The following CLUH variants were observed in gnomAD, a reference collection of about 807,000 sequenced individuals.
The protein encoded by CLUH is CLUH binding protein of NUMT mRNA.
A neutral mutation model predicts 139.3 loss-of-function variants in CLUH; 77 were observed. The ratio of observed to expected loss-of-function variants is 0.55; its 90% CI spans 0.46 to 0.67. The LOEUF is 0.67. Ranked by LOEUF, CLUH falls within the 30% of genes least tolerant of loss-of-function variation. CLUH has a pLI of 0.00. For synonymous variants in CLUH, 999 were observed against 801.6 expected, an observed-to-expected ratio of 1.25 and a Z score of -4.16; for missense variants, 1,876 against 1,875.8, an observed-to-expected ratio of 1.00 and a Z score of 0.00.
chr17:2,695,220 G>C lies in CLUH; in HGVS notation c.2605C>G (p.Gln869Glu), dbSNP rs1029911762. 1 of 1,613,944 alleles carries C rather than the reference G, an allele frequency of 6.2e-7. No individual in the cohort carries two copies. Among genetic ancestry groups the C allele is most frequent in the Non-Finnish European group, 8.5e-7 (1 of 1,179,872 alleles). Residue 869 changes from glutamine (Q) to glutamate (E), a missense_variant and splice_region_variant, in exon 15 of 26, where the codon CAG becomes GAG. Gln to Glu is a conservative substitution (Grantham distance 29, BLOSUM62 2). Coordinates refer to ENST00000651024, the MANE Select transcript of CLUH (RefSeq NM_001366661.1). Reference protein sequence around the residue: ...SAKHIFKTYLQGVELSGLSAA... With the variant: ...SAKHIFKTYLEGVELSGLSAA... ...GCCGCAGAGCGGACGGGTGGCACCT[G>C]TAAGTACGTCTTGAAGATGTGCTTG...
chr17:2,692,860 C>A lies in CLUH; in HGVS notation c.3232G>T (p.Ala1078Ser), dbSNP rs779386864. ...LHYIMGDYAE[A>S]LSNQQKAVLM... The stretch of plus-strand genomic sequence containing the variant: ...ACCGCCTTCTGCTGGTTACTCAGGG[C>A]CTGGGGAGAGACAGTGGTGGTTGCC... Residue 1078 changes from alanine to serine, a missense_variant and splice_region_variant, in exon 20 of 26, where the codon GCC becomes TCC. By Grantham distance (99) the Ala-to-Ser change is moderately conservative. Coordinates refer to ENST00000651024, the MANE Select transcript of CLUH (RefSeq NM_001366661.1). 6.3e-7 allele frequency: 1 copy of A among 1,589,554 alleles called. No homozygotes were observed. Among genetic ancestry groups the A allele is most frequent in the Non-Finnish European group, 8.6e-7 (1 of 1,165,698 alleles).
At chr17:2,690,898 G>C (rs1029722921) in intron 25 of CLUH, 121 bp from the exon 26 acceptor site, 37 of 729,758 alleles carry the variant, frequency 5.1e-5, no homozygotes, top group South Asian at 8.3e-5. Flanking sequence ...GAATGTGTGT[G>C]AACAAGCGCT....
rs997249858 is a variant in CLUH, at chr17:2,690,200, G to A, written c.*394C>T. ...ATGACCTGAGAAATCCCGTCTGCGC[G>A]TCACCCACTCAGGAGTCACCCACTC... is the stretch of plus-strand genomic sequence containing the variant. On this transcript the variant is annotated 3_prime_UTR_variant, in exon 26 of 26. Coordinates refer to ENST00000651024, the MANE Select transcript of CLUH (RefSeq NM_001366661.1). The A allele has an allele frequency of 5.0e-6, 1 of 198,752 alleles. No individual in the cohort carries two copies. 12.3% of individuals were successfully genotyped at this position (198,752 alleles called of 1,614,324 possible).
chr17:2,697,582 C>G (rs1315440745), intron 10 of CLUH, among the ~76,000 whole-genome samples: 1 of 152,158 alleles, frequency 6.6e-6, no homozygotes, highest in Non-Finnish European at 1.5e-5. Flanking sequence ...GGCGGGGACC[C>G]CCGGTGCCCC....
intron 9 of CLUH, among the ~76,000 whole-genome samples, chr17:2,699,508 T>G (rs2070098923): frequency 6.6e-6 from 1 of 151,956 alleles, no homozygotes; most frequent in Admixed American, 6.5e-5. Context: ...TTGTATTTTT[T>G]GCAGAGACGA....
Position 2,694,507 on chromosome 17 carries a change from C to T in CLUH, c.2910G>A (p.Arg970=). The T allele has an allele frequency of 1.3e-6, 2 of 1,583,762 alleles. No individual in the cohort carries two copies. The highest frequency in any genetic ancestry group is 1.7e-6 in the Non-Finnish European group (2 of 1,165,424). The stretch of plus-strand genomic sequence containing the variant: ...GGATCCCTGTTTTCAGCGAGATCTC[C>T]CGCAGGAGCGTTATCTTCTGCAGGC... ...TYGLQKITLL[R]EISLKTGIQV... is the part of the protein sequence containing the mutation. Residue 970 remains arginine, a synonymous_variant, in exon 17 of 26, where the codon CGG becomes CGA. Transcript: ENST00000651024.
intron 9 of CLUH, 43 bp downstream of exon 9, chr17:2,700,339 G>C (rs1206613910): frequency 6.4e-7 from 1 of 1,555,672 alleles, no homozygotes; most frequent in Non-Finnish European, 8.8e-7. Flanking sequence ...TCAGCAGGTG[G>C]ACAGCGGGCC....
At position 2,690,599 on chromosome 17, in the gene CLUH, C is replaced by G; in HGVS notation, c.4042G>C (p.Gly1348Arg). 1 of 1,480,126 alleles carries G rather than the reference C, an allele frequency of 6.8e-7. No homozygotes were observed. The highest frequency in any genetic ancestry group is 8.9e-7 in the Non-Finnish European group (1 of 1,118,284). 91.7% of individuals were successfully genotyped at this position (1,480,126 alleles called of 1,614,324 possible). A position where few individuals can be genotyped will look rare whatever the true frequency, so the allele number is the denominator to read the frequency against. ...CTGTCCGTCTGGCTCCCTCTCTATC[C>G]CTGCACGCTCGGAGAAGGGTCCTTG... ...AAKDPSPSVQ[G>R] The change falls in exon 26 of 26, where the codon GGA (glycine) becomes CGA (arginine). Residue 1348 changes from glycine (G) to arginine (R), a missense_variant. Physicochemically the swap from Gly to Arg is moderately radical, Grantham distance 125. Around this residue, in one of 3 missense-constraint regions of CLUH, gnomAD observed 1,454 missense variants for 1,384.4 expected, o/e 1.05. Coordinates refer to ENST00000651024, the MANE Select transcript of CLUH (RefSeq NM_001366661.1).
chr17:2,690,279 G>A lies in CLUH; in HGVS notation c.*315C>T, dbSNP rs551639953. 3 of 334,720 alleles carry A rather than the reference G, an allele frequency of 9.0e-6. No homozygotes were observed. Among genetic ancestry groups the A allele is most frequent in the Non-Finnish European group, 1.6e-5 (3 of 184,610 alleles). The allele number at this position is 334,720 out of a possible 1,614,324, so 20.7% of individuals were successfully genotyped here. ...GAGGAACGGTCAACACTCACAGCCA[G>A]GGGCGCACTCGCACACGCCGGCCGG... On this transcript the variant is annotated 3_prime_UTR_variant, in exon 26 of 26. Transcript: ENST00000651024.
At position 2,696,930 on chromosome 17, in the gene CLUH, A is replaced by G. The variant is rs2069970337; in HGVS notation, c.1974T>C (p.Phe658=). 1 of 1,590,718 alleles carries G rather than the reference A, an allele frequency of 6.3e-7. No homozygotes were observed. Among genetic ancestry groups the G allele is most frequent in the African/African-American group, 1.3e-5 (1 of 74,478 alleles). The stretch of plus-strand genomic sequence containing the variant: ...TCAGCTGCAAGGCGGCCAGCTTCAT[A>G]AAGAGGAGGTACCTGGAGCAGAGGA... ...DAFVEHRYLL[F]MKLAALQLMQ... Residue 658 remains phenylalanine, a synonymous_variant, in exon 11 of 26, where the codon TTT becomes TTC. Coordinates refer to ENST00000651024, the MANE Select transcript of CLUH (RefSeq NM_001366661.1).
At position 2,704,818 on chromosome 17, in the gene CLUH, A is replaced by C. The variant is rs1597624504; in HGVS notation, c.101-254T>G. 6.6e-6 allele frequency among the ~76,000 whole-genome samples: 1 copy of C among 151,944 alleles called. No homozygotes were observed. The highest frequency in any genetic ancestry group is 1.5e-5 in the Non-Finnish European group (1 of 67,968). On this transcript the variant is annotated intron_variant, in intron 1 of 25. Transcript: ENST00000651024. This position sits in a 1 kb window ranked among gnomAD's most constrained non-coding sequence, Gnocchi z 5.7. ...ACCCATGTCCCAAACCACTCTCCCCAGGGTCACCAAAGCCACCCTTCAAGC... is the reference window on the plus strand; with the variant it reads ...ACCCATGTCCCAAACCACTCTCCCCCGGGTCACCAAAGCCACCCTTCAAGC...
chr17:2,698,642 C>T, intron 9 of CLUH, 52 bp from the exon 10 acceptor site: 3 of 1,476,020 alleles, frequency 2.0e-6, no homozygotes, highest in South Asian at 1.3e-5. Flanking sequence ...CAAGAGCCTG[C>T]ATCCACCTGG....
Position 2,691,967 on chromosome 17 carries a change from GCCCCGCCCCCGCCCCCGCCACGC to G in CLUH, c.3654+14_3654+36del. The G allele has an allele frequency of 1.8e-5, 13 of 727,948 alleles. No individual in the cohort carries two copies. In the East Asian group the frequency reaches 2.5e-4, roughly 14 times the overall value. The allele number at this position is 727,948 out of a possible 1,614,324, so 45.1% of individuals were successfully genotyped here. On this transcript the variant is annotated intron_variant, in intron 23 of 25. Coordinates refer to ENST00000651024, the MANE Select transcript of CLUH (RefSeq NM_001366661.1). ...CCCGCCCCCGCCCCGCCACGCCCCCGCCCCGCCCCCGCCCCCGCCACGCCCCCGCCGCGCACCTGCGTCTTGTA... is the reference window on the plus strand; with the variant it reads ...CCCGCCCCCGCCCCGCCACGCCCCCGCCCCGCCGCGCACCTGCGTCTTGTA...
intron 1 of CLUH, among the ~76,000 whole-genome samples, chr17:2,710,825 C>T (rs528592970): frequency 3.2e-4 from 49 of 152,352 alleles, no homozygotes; most frequent in Non-Finnish European, 5.6e-4. Flanking sequence ...CAACTCTGGT[C>T]TGACCCACTT....
intron 3 of CLUH, among the ~76,000 whole-genome samples, 193 bp from the exon 4 acceptor site, chr17:2,702,250 C>A (rs2070213227): frequency 6.6e-6 from 1 of 152,240 alleles, no homozygotes; most frequent in South Asian, 2.1e-4. Flanking sequence ...CACACACACA[C>A]ACTCTGCCTA....
rs2069586694 is a variant in CLUH, at chr17:2,690,641, A to G, written c.4000T>C (p.Ser1334Pro). ...APAGAPGDLG[S>P]QPPAAKDPSP... Reference sequence around the variant, plus strand: ...GGGTCCTTGGCAGCCGGGGGCTGGGAGCCCAGGTCTCCTGGGGCCCCCGCT... The same window carrying G: ...GGGTCCTTGGCAGCCGGGGGCTGGGGGCCCAGGTCTCCTGGGGCCCCCGCT... The change falls in exon 26 of 26, where the codon TCC (serine) becomes CCC (proline). Residue 1334 changes from serine to proline, a missense_variant. Coordinates refer to ENST00000651024, the MANE Select transcript of CLUH (RefSeq NM_001366661.1). 3 of 1,517,524 alleles carry G rather than the reference A, an allele frequency of 2.0e-6. No homozygotes were observed. Among genetic ancestry groups the G allele is most frequent in the Non-Finnish European group, 2.6e-6 (3 of 1,139,346 alleles). The allele number at this position is 1,517,524 out of a possible 1,614,324, so 94.0% of individuals were successfully genotyped here.
chr17:2,695,947 C>T (rs1458118921), intron 13 of CLUH: 1 of 595,394 alleles, frequency 1.7e-6, no homozygotes, highest in Non-Finnish European at 3.0e-6. Flanking sequence ...GACTGGATTA[C>T]CAGCTGCCAG....
intron 14 of CLUH, 25 bp downstream of exon 14, chr17:2,695,349 C>A: frequency 6.2e-7 from 1 of 1,613,004 alleles, no homozygotes; most frequent in Non-Finnish European, 8.5e-7. Flanking sequence ...AGCTCCCGTT[C>A]CGCCCCACCC....
chr17:2,701,298 C>A, intron 6 of CLUH, 33 bp from the exon 7 acceptor site: 2 of 1,607,978 alleles, frequency 1.2e-6, no homozygotes, highest in East Asian at 2.2e-5. Flanking sequence ...GAGCGGGGGC[C>A]CAGGTGTCTG....
Sources: allele counts gnomAD v4.1 joint callset (sites outside exome capture counted in the v4.1 genomes callset), GRCh38; gene constraint gnomAD v4.1.1; regional missense constraint gnomAD v4.1.1; non-coding constraint Gnocchi (gnomAD v3.1); transcripts MANE v1.5; gene names NCBI Gene and HGNC (gene_info 2026-07-23, HGNC 2026-07-21).